The following ADIPOR2 variants were observed in gnomAD, a reference collection of about 807,000 sequenced individuals.
ADIPOR2 encodes the protein adiponectin receptor protein 2.
ADIPOR2 carries 18 observed loss-of-function variants against 40.9 expected under a neutral mutation model. The ratio of observed to expected loss-of-function variants is 0.44; its 90% CI spans 0.30 to 0.65. ADIPOR2 has a LOEUF of 0.65. Among genes scored for constraint, ADIPOR2 ranks in the 30% least tolerant of loss-of-function variants. ADIPOR2 has a pLI of 0.09. For synonymous variants in ADIPOR2, 165 were observed against 166.4 expected (o/e 0.99, Z 0.06); for missense variants, 283 against 479.2 (o/e 0.59, Z 3.82).
At chr12:1,773,089 C>T in intron 3 of ADIPOR2, 128 bp downstream of exon 3, 1 of 1,195,344 alleles carries the variant, frequency 8.4e-7, no homozygotes, top group African/African-American at 1.5e-5. Flanking sequence ...AAGATGGGGA[C>T]AGAAGTGGTC....
Position 1,695,422 on chromosome 12 carries a change from G to A in ADIPOR2, c.-87+4231G>A, listed in dbSNP as rs185873056. ...TAATCCTTGCACTTTGGGAGGCCAA[G>A]GCAGGTGGATCACCTGAGGTCAGGA... On this transcript the variant is annotated intron_variant, in intron 1 of 7. Transcript: ENST00000357103. 2.1e-3 allele frequency among the ~76,000 whole-genome samples: 323 copies of A among 151,934 alleles called. 5 individuals carry two copies. Among genetic ancestry groups the A allele is most frequent in the Admixed American group, 0.017 (257 of 15,266 alleles).
At chr12:1,773,096 G>T in intron 3 of ADIPOR2, 135 bp downstream of exon 3, 1 of 1,130,212 alleles carries the variant, frequency 8.8e-7, no homozygotes, top group Non-Finnish European at 1.2e-6. Context: ...GGACAGAAGT[G>T]GTCTTGGGAC....
intron 1 of ADIPOR2, among the ~76,000 whole-genome samples, chr12:1,725,384 T>G (rs1459030480): frequency 6.6e-6 from 1 of 152,148 alleles, no homozygotes; most frequent in Non-Finnish European, 1.5e-5. Context: ...CCTCCCAAAG[T>G]GCTGGGATTA....
intron 2 of ADIPOR2, among the ~76,000 whole-genome samples, chr12:1,770,318 A>G (rs191632579): frequency 1.4e-4 from 22 of 152,360 alleles, no homozygotes; most frequent in African/African-American, 5.0e-4. Context: ...GGTAGTATAC[A>G]TTAGCCATAT....
At chr12:1,744,565 G>C (rs573419953) in intron 1 of ADIPOR2, among the ~76,000 whole-genome samples, 1 of 150,554 alleles carries the variant, frequency 6.6e-6, no homozygotes, top group African/African-American at 2.4e-5. Context: ...TTGAACTCCT[G>C]ACCTCAAGTG....
chr12:1,709,924 T>C (rs2094672727), intron 1 of ADIPOR2, among the ~76,000 whole-genome samples: 1 of 152,250 alleles, frequency 6.6e-6, no homozygotes, highest in South Asian at 2.1e-4. Context: ...GTTGGCCCAG[T>C]ACAACTCTCT....
At chr12:1,754,568 A>G in intron 2 of ADIPOR2, 54 bp downstream of exon 2, 1 of 1,531,528 alleles carries the variant, frequency 6.5e-7, no homozygotes, top group Non-Finnish European at 8.8e-7. Flanking sequence ...AGGAAGTGGC[A>G]GAGGGAGGAT....
intron 1 of ADIPOR2, among the ~76,000 whole-genome samples, chr12:1,715,168 A>G (rs114442035): frequency 0.012 from 1,891 of 152,218 alleles, 49 homozygotes; most frequent in African/African-American, 0.035. Context: ...CTCCTCCCCA[A>G]TATTGCAAGC....
intron 1 of ADIPOR2, among the ~76,000 whole-genome samples, chr12:1,747,112 C>T (rs2094757029): frequency 6.7e-6 from 1 of 149,024 alleles, no homozygotes; most frequent in South Asian, 2.1e-4. Flanking sequence ...TTTAACACCG[C>T]TGTAAACCAG....
chr12:1,780,013 G>GTATTTCTT (rs1301599989), intron 4 of ADIPOR2: 2 of 153,184 alleles, frequency 1.3e-5, no homozygotes, highest in East Asian at 3.8e-4. Context: ...GAGGAAAGCT[G>GTATTTCTT]TATTTCTTGG....
chr12:1,757,688 C>T, intron 2 of ADIPOR2: 1 of 1,313,174 alleles, frequency 7.6e-7, no homozygotes, highest in Non-Finnish European at 1.1e-6. Context: ...GGATGTACAG[C>T]AAAGCGACCC....
intron 3 of ADIPOR2, among the ~76,000 whole-genome samples, chr12:1,776,502 A>G (rs1190039960): frequency 1.3e-5 from 2 of 152,146 alleles, no homozygotes; most frequent in Admixed American, 6.5e-5. Flanking sequence ...TGTGCCTGCC[A>G]TTTTTCCTTA....
intron 7 of ADIPOR2, among the ~76,000 whole-genome samples, chr12:1,784,594 T>G (rs1427187474): frequency 6.6e-6 from 1 of 152,240 alleles, no homozygotes; most frequent in Non-Finnish European, 1.5e-5. Flanking sequence ...AGGGTCTTTT[T>G]TTATACCGAA....
chr12:1,740,555 A>G (rs2094740541), intron 1 of ADIPOR2, among the ~76,000 whole-genome samples: 1 of 152,196 alleles, frequency 6.6e-6, no homozygotes. Context: ...CTATTTCCAA[A>G]TACAGTCTCA....
intron 1 of ADIPOR2, among the ~76,000 whole-genome samples, chr12:1,694,112 T>A (rs1246728985): frequency 2.6e-5 from 4 of 152,220 alleles, no homozygotes; most frequent in Non-Finnish European, 5.9e-5. Flanking sequence ...TGTGAGTGTA[T>A]ACTATGATTT....
intron 1 of ADIPOR2, among the ~76,000 whole-genome samples, chr12:1,749,715 C>G (rs957698121): frequency 1.3e-5 from 2 of 152,028 alleles, no homozygotes; most frequent in African/African-American, 4.8e-5. Context: ...TACAGAAATC[C>G]TTGCTGGGAT....
intron 4 of ADIPOR2, among the ~76,000 whole-genome samples, chr12:1,779,101 G>T (rs1279924492): frequency 6.6e-6 from 1 of 152,182 alleles, no homozygotes; most frequent in Non-Finnish European, 1.5e-5. Context: ...GTGAAATGGG[G>T]CAGTCCCCAT....
chr12:1,773,062 T>C, intron 3 of ADIPOR2, 101 bp downstream of exon 3: 1 of 1,393,154 alleles, frequency 7.2e-7, no homozygotes, highest in East Asian at 2.5e-5. Flanking sequence ...TGGTTTGCTT[T>C]GGGGAAGATC....
intron 1 of ADIPOR2, among the ~76,000 whole-genome samples, chr12:1,753,258 C>G (rs1042326256): frequency 1.3e-5 from 2 of 152,134 alleles, no homozygotes; most frequent in Non-Finnish European, 2.9e-5. Context: ...GTTGGATTGA[C>G]TGTGATAATC....
Sources: gnomAD v4.1 joint callset for allele counts (sites outside exome capture counted in the v4.1 genomes callset) on GRCh38, gnomAD v4.1.1 for gene constraint, MANE v1.5 for transcripts, NCBI Gene and HGNC (gene_info 2026-07-23, HGNC 2026-07-21) for gene names.